The following RASSF3 variants were observed in gnomAD, a reference collection of about 807,000 sequenced individuals.
The protein encoded by RASSF3 is ras association domain-containing protein 3.
In RASSF3, 19 loss-of-function variants were observed where a neutral mutation model predicts 19.9. That is an observed-to-expected ratio of 0.96 (90% confidence interval 0.67 to 1.40). The LOEUF (loss-of-function observed/expected upper bound fraction) is 1.40. Ranked by LOEUF, RASSF3 falls within the 40% of genes most tolerant of loss-of-function variation. RASSF3 has a pLI of 0.00. For synonymous variants in RASSF3, 110 were observed against 104.2 expected (o/e 1.06, Z -0.34); for missense variants, 306 against 289.8 (o/e 1.06, Z -0.41).
chr12:64,589,831 CA>C (rs1869886037), intron 2 of RASSF3, among the ~76,000 whole-genome samples: 1 of 151,464 alleles, frequency 6.6e-6, no homozygotes, highest in East Asian at 2.0e-4. Flanking sequence ...GGTGAAACCC[CA>C]TCTCTACTAA....
chr12:64,524,122 G>C (rs1868534549), intron 1 of RASSF3, among the ~76,000 whole-genome samples: 1 of 151,408 alleles, frequency 6.6e-6, no homozygotes, highest in African/African-American at 2.4e-5. Context: ...CACAATCTCG[G>C]CTCACTGCAG....
chr12:64,514,056 T>C (rs1240170955), intron 1 of RASSF3, among the ~76,000 whole-genome samples: 1 of 149,952 alleles, frequency 6.7e-6, no homozygotes, highest in Non-Finnish European at 1.5e-5. Flanking sequence ...CTTTTTGCTT[T>C]TTTTTTTTTT....
chr12:64,629,924 A>C (rs1447475588), intron 1 of RASSF3: 1 of 146,680 alleles, frequency 6.8e-6, no homozygotes, highest in Non-Finnish European at 1.5e-5. Context: ...AGATTGTGCC[A>C]CTACTCCAGC....
At chr12:64,536,905 T>C (rs1488838423) in intron 1 of RASSF3, among the ~76,000 whole-genome samples, 2 of 152,234 alleles carry the variant, frequency 1.3e-5, no homozygotes, top group African/African-American at 4.8e-5. Context: ...AGAGTTAAAC[T>C]TCTTGAAGAA....
intron 1 of RASSF3, among the ~76,000 whole-genome samples, chr12:64,660,154 G>C (rs2136197563): frequency 6.6e-6 from 1 of 151,934 alleles, no homozygotes; most frequent in South Asian, 2.1e-4. Flanking sequence ...ATGGGCTCAA[G>C]TGATCCGCCC....
At chr12:64,653,038 G>A (rs1315075980) in intron 1 of RASSF3, among the ~76,000 whole-genome samples, 1 of 152,046 alleles carries the variant, frequency 6.6e-6, no homozygotes, top group African/African-American at 2.4e-5. Flanking sequence ...GTATCTTTAC[G>A]TCATCTTCTC....
At chr12:64,541,773 T>C (rs1868938317), downstream of RASSF3, 1 of 397,794 alleles carries the variant, frequency 2.5e-6, no homozygotes, top group African/African-American at 2.1e-5. Context: ...CCCCATAGAA[T>C]GGTCTTTTTA....
At position 64,657,504 on chromosome 12, in the gene RASSF3, A is replaced by AGG. The variant is rs573577919; in HGVS notation, c.112-27281_112-27280dup. 2.6e-3 allele frequency among the ~76,000 whole-genome samples: 395 copies of AGG among 152,354 alleles called. 2 individuals carry two copies. The highest frequency in any genetic ancestry group is 9.2e-3 in the African/African-American group (383 of 41,594). On this transcript the variant is annotated intron_variant, in intron 1 of 4. Coordinates refer to ENST00000542104, the MANE Select transcript of RASSF3 (RefSeq NM_178169.4). ...AGTAAAATCACTTTGATGAAAAGAA[A>AGG]GGGTGGGACCAGGGTATTTGGATTG...
chr12:64,688,833 T>C (rs1873462581), intron 3 of RASSF3, among the ~76,000 whole-genome samples: 1 of 152,208 alleles, frequency 6.6e-6, no homozygotes, highest in East Asian at 1.9e-4. Flanking sequence ...CCACATTTGA[T>C]GTGCATCAGT....
chr12:64,550,008 A>T (rs903529167), intron 2 of RASSF3, among the ~76,000 whole-genome samples: 10 of 152,028 alleles, frequency 6.6e-5, no homozygotes, highest in African/African-American at 1.7e-4. Context: ...ACTTTGATTG[A>T]TGAGGGAGGT....
At chr12:64,617,197 A>T (rs534868633) in intron 1 of RASSF3, among the ~76,000 whole-genome samples, 13 of 152,324 alleles carry the variant, frequency 8.5e-5, no homozygotes, top group African/African-American at 3.1e-4. Context: ...TACAGGTAGT[A>T]GTGATTTAAA....
At chr12:64,669,552 A>C (rs932786041) in intron 1 of RASSF3, among the ~76,000 whole-genome samples, 6 of 152,112 alleles carry the variant, frequency 3.9e-5, no homozygotes, top group Non-Finnish European at 7.4e-5. Context: ...TTGTAATGCT[A>C]AGGCGTTCAT....
At chr12:64,676,514 C>G (rs12321771) in intron 1 of RASSF3, among the ~76,000 whole-genome samples, 3 of 139,470 alleles carry the variant, frequency 2.2e-5, no homozygotes, top group Non-Finnish European at 4.5e-5. Context: ...CTCTGTCGCC[C>G]AGGCTTGAGT....
intron 2 of RASSF3, among the ~76,000 whole-genome samples, chr12:64,594,179 T>A (rs1869965238): frequency 6.6e-6 from 1 of 151,554 alleles, no homozygotes; most frequent in African/African-American, 2.4e-5. Flanking sequence ...CAAAAAATTT[T>A]AAAAATTAGC....
At chr12:64,649,413 C>T (rs1871860647) in intron 1 of RASSF3, among the ~76,000 whole-genome samples, 1 of 152,046 alleles carries the variant, frequency 6.6e-6, no homozygotes, top group Admixed American at 6.6e-5. Flanking sequence ...AGGATGGTCT[C>T]AATCTCCTGA....
rs111442844 is a variant in RASSF3, at chr12:64,553,933, C to T, written c.294+12228C>T. On this transcript the variant is annotated intron_variant, in intron 2 of 5. Transcript: ENST00000637125. The stretch of plus-strand genomic sequence containing the variant: ...CCAAGGCTGAAGTGAGCTGTGATTA[C>T]GCTACTGCATTCCAGCCTGGGTGAC... Among the ~76,000 whole-genome samples the T allele has an allele frequency of 8.1e-3, 1,195 of 147,544 alleles. 8 individuals are homozygous for T. Among genetic ancestry groups the T allele is most frequent in the African/African-American group, 0.029 (1,159 of 39,372 alleles).
intron 1 of RASSF3, among the ~76,000 whole-genome samples, chr12:64,621,523 G>T (rs1476374728): frequency 1.3e-5 from 2 of 152,142 alleles, no homozygotes; most frequent in African/African-American, 4.8e-5. Context: ...TGTTGCCCAG[G>T]CTGGAGAGCA....
chr12:64,527,275 T>C lies in RASSF3; in HGVS notation c.170-14306T>C, dbSNP rs1373755860. ...TTGAGGTTAGAACCTGGTCCTGCCA[T>C]GTGTTGGCAGATGACTGTAAGAAAG... is the stretch of plus-strand genomic sequence containing the variant. On this transcript the variant is annotated intron_variant, in intron 1 of 5. Transcript: ENST00000637125. Among the ~76,000 whole-genome samples, 4 of 152,180 alleles carry C rather than the reference T, an allele frequency of 2.6e-5. No homozygotes were observed. The East Asian group carries it at 5.8e-4, about 22-fold the overall frequency.
chr12:64,551,419 G>A (rs1254218147), intron 2 of RASSF3, among the ~76,000 whole-genome samples: 1 of 151,976 alleles, frequency 6.6e-6, no homozygotes, highest in Admixed American at 6.6e-5. Flanking sequence ...TACAAAAAAT[G>A]CCAAAAATTA....
Sources: gnomAD v4.1 joint callset for allele counts (sites outside exome capture counted in the v4.1 genomes callset) on GRCh38, gnomAD v4.1.1 for gene constraint, MANE v1.5 for transcripts, NCBI Gene and HGNC (gene_info 2026-07-23, HGNC 2026-07-21) for gene names.